The following SESTD1 variants were observed in gnomAD, a reference collection of about 807,000 sequenced individuals.
SESTD1 encodes the protein SEC14 and spectrin domain containing 1.
Under a neutral mutation model 101.7 loss-of-function variants are expected in SESTD1, and 43 were observed. The observed-to-expected ratio is 0.42, with a 90% CI of 0.33 to 0.55. SESTD1 has a LOEUF of 0.55. Among genes scored for constraint, SESTD1 ranks in the 20% least tolerant of loss-of-function variants. SESTD1 has a pLI of 0.07. For missense variants in SESTD1, 647 were observed against 815.1 expected, an observed-to-expected ratio of 0.79 and a Z score of 2.51; for synonymous variants, 283 against 286.8, an observed-to-expected ratio of 0.99 and a Z score of 0.13.
At chr2:179,263,139 A>G (rs1350081978) in intron 1 of SESTD1, among the ~76,000 whole-genome samples, 2 of 152,214 alleles carry the variant, frequency 1.3e-5, no homozygotes, top group African/African-American at 4.8e-5. Context: ...AACAGCCTAT[A>G]GAGTTGTGAA....
intron 1 of SESTD1, among the ~76,000 whole-genome samples, chr2:179,245,414 G>A (rs572244319): frequency 3.5e-4 from 52 of 150,642 alleles, no homozygotes; most frequent in African/African-American, 1.2e-3. Flanking sequence ...TACTCAGGAG[G>A]CTAAGGCAGA....
At chr2:179,199,230 A>G (rs1293423651) in intron 1 of SESTD1, among the ~76,000 whole-genome samples, 2 of 152,060 alleles carry the variant, frequency 1.3e-5, no homozygotes, top group African/African-American at 2.4e-5. Flanking sequence ...TCCTCGACAC[A>G]TACACTCTCC....
At chr2:179,130,318 A>G (rs1000154018) in intron 10 of SESTD1, among the ~76,000 whole-genome samples, 1 of 152,182 alleles carries the variant, frequency 6.6e-6, no homozygotes, top group Admixed American at 6.5e-5. Context: ...AGATATTAGA[A>G]TAATCTATAA....
intron 1 of SESTD1, among the ~76,000 whole-genome samples, chr2:179,201,787 G>A (rs534848032): frequency 2.3e-5 from 3 of 130,296 alleles, no homozygotes; most frequent in Admixed American, 7.4e-5. Flanking sequence ...GTGGGGGTAG[G>A]GGGGAGGGAT....
intron 4 of SESTD1, 77 bp downstream of exon 4, chr2:179,176,371 A>T: frequency 9.2e-7 from 1 of 1,081,354 alleles, no homozygotes; most frequent in Non-Finnish European, 1.4e-6. Flanking sequence ...CCAATAAATT[A>T]AATGCATTTG....
intron 1 of SESTD1, among the ~76,000 whole-genome samples, chr2:179,194,390 C>T (rs1280017736): frequency 6.6e-6 from 1 of 152,164 alleles, no homozygotes; most frequent in Non-Finnish European, 1.5e-5. Context: ...AATGTCTGAT[C>T]TTTCCCAAAT....
At chr2:179,234,502 A>G (rs2047033815) in intron 1 of SESTD1, among the ~76,000 whole-genome samples, 1 of 152,144 alleles carries the variant, frequency 6.6e-6, no homozygotes, top group African/African-American at 2.4e-5. Context: ...CTCAGGCCGG[A>G]CGCAGTGGCT....
chr2:179,178,053 G>A (rs2046041444), intron 3 of SESTD1, among the ~76,000 whole-genome samples: 1 of 152,202 alleles, frequency 6.6e-6, no homozygotes, highest in African/African-American at 2.4e-5. Flanking sequence ...GGGAAGAATG[G>A]AGAGTGAGTG....
intron 5 of SESTD1, among the ~76,000 whole-genome samples, chr2:179,157,890 A>G (rs1178122469): frequency 2.0e-5 from 3 of 152,178 alleles, no homozygotes; most frequent in Non-Finnish European, 4.4e-5. Flanking sequence ...TGTGTAATGC[A>G]CAAGATGTAG....
intron 13 of SESTD1, among the ~76,000 whole-genome samples, chr2:179,120,214 C>T (rs1034998203): frequency 6.6e-6 from 1 of 150,382 alleles, no homozygotes; most frequent in Admixed American, 6.6e-5. Context: ...AGTGACAGAG[C>T]GAGACTCTGT....
At chr2:179,200,552 T>C (rs937464216) in intron 1 of SESTD1, among the ~76,000 whole-genome samples, 3 of 152,084 alleles carry the variant, frequency 2.0e-5, no homozygotes, top group African/African-American at 7.3e-5. Context: ...CAAAACAGCA[T>C]GGTACTGGTA....
chr2:179,172,147 C>T lies in SESTD1; in HGVS notation c.342G>A (p.Trp114Ter), dbSNP rs2045939179. The T allele has an allele frequency of 1.2e-6, 2 of 1,609,686 alleles. No homozygotes were observed. Among genetic ancestry groups the T allele is most frequent in the Non-Finnish European group, 1.7e-6 (2 of 1,177,274 alleles). Residue 114 changes from tryptophan (W) to a stop codon, truncating the protein, a stop_gained, in exon 5 of 18, where the codon TGG becomes TGA. Coordinates refer to ENST00000428443, the MANE Select transcript of SESTD1 (RefSeq NM_178123.5). LOFTEE classifies it high-confidence loss of function. Reference sequence around the variant, plus strand: ...CAAAGCCAAGTCTATCCTTCTCCTTCCAAAAACAAAAATGCGTTACTTTCT... The same window carrying T: ...CAAAGCCAAGTCTATCCTTCTCCTTTCAAAAACAAAAATGCGTTACTTTCT... ...WDKKVTHFCF[W>*]KEKDRLGFEV...
At chr2:179,175,169 C>G (rs753957534) in intron 4 of SESTD1, among the ~76,000 whole-genome samples, 5 of 152,048 alleles carry the variant, frequency 3.3e-5, no homozygotes, top group Non-Finnish European at 5.9e-5. Flanking sequence ...CCTCGTTGAC[C>G]TCTGTAAGGT....
chr2:179,259,729 G>A (rs967417507), intron 1 of SESTD1, among the ~76,000 whole-genome samples: 5 of 151,636 alleles, frequency 3.3e-5, no homozygotes, highest in Admixed American at 2.6e-4. Context: ...TTCACTACAT[G>A]CAAAGAAAAA....
chr2:179,112,874 C>A, intron 16 of SESTD1, 29 bp from the exon 17 acceptor site: 1 of 1,594,130 alleles, frequency 6.3e-7, no homozygotes, highest in Non-Finnish European at 8.5e-7. Flanking sequence ...CAACATCAAT[C>A]AAGAGACACA....
intron 5 of SESTD1, among the ~76,000 whole-genome samples, chr2:179,165,064 A>G (rs2045811493): frequency 6.6e-6 from 1 of 152,186 alleles, no homozygotes; most frequent in African/African-American, 2.4e-5. Flanking sequence ...TAGAGCTCTA[A>G]GTCTCATTTA....
At chr2:179,130,184 C>G (rs2044977499) in intron 10 of SESTD1, among the ~76,000 whole-genome samples, 1 of 152,120 alleles carries the variant, frequency 6.6e-6, no homozygotes, top group South Asian at 2.1e-4. Context: ...GTAGCTTTCT[C>G]TAAGAGACAG....
At chr2:179,168,411 A>G (rs1372259719) in intron 5 of SESTD1, among the ~76,000 whole-genome samples, 1 of 152,188 alleles carries the variant, frequency 6.6e-6, no homozygotes, top group Non-Finnish European at 1.5e-5. Flanking sequence ...ATTAGCATTT[A>G]AGTTCTTAGA....
chr2:179,180,615 T>C lies in SESTD1; in HGVS notation c.164+2465A>G, dbSNP rs79304104. On this transcript the variant is annotated intron_variant, in intron 3 of 17. Coordinates refer to ENST00000428443, the MANE Select transcript of SESTD1 (RefSeq NM_178123.5). ...AACGTGATAAAAACAAAGTACATTA[T>C]TAGTTTTAGATTTTCTAAGTGGTGG... Among the ~76,000 whole-genome samples the C allele has an allele frequency of 8.6e-3, 1,313 of 152,292 alleles. 10 individuals carry two copies. The highest frequency in any genetic ancestry group is 0.029 in the African/African-American group (1,224 of 41,566).
Sources: allele counts gnomAD v4.1 joint callset (sites outside exome capture counted in the v4.1 genomes callset), GRCh38; gene constraint gnomAD v4.1.1; transcripts MANE v1.5; gene names NCBI Gene and HGNC (gene_info 2026-07-23, HGNC 2026-07-21).